Variants in PAPPA2 observed in about 807,000 individuals in gnomAD.
The protein encoded by PAPPA2 is pappalysin 2, also known as pappalysin-2.
PAPPA2 carries 86 observed loss-of-function variants against 176.4 expected under a neutral mutation model. The ratio of observed to expected loss-of-function variants is 0.49; its 90% confidence interval spans 0.41 to 0.58. The LOEUF is 0.58. Ranked by LOEUF, PAPPA2 falls within the 20% of genes least tolerant of loss-of-function variation. The pLI, the probability that PAPPA2 is intolerant of heterozygous loss-of-function variation, is 0.00. For synonymous variants in PAPPA2, 809 were observed against 852.2 expected (o/e 0.95, Z 0.88); for missense variants, 2,073 against 2,256.9 (o/e 0.92, Z 1.65).
intron 14 of PAPPA2, among the ~76,000 whole-genome samples, chr1:176,752,828 C>G (rs1663245020): frequency 6.6e-6 from 1 of 152,194 alleles, no homozygotes; most frequent in Non-Finnish European, 1.5e-5. Flanking sequence ...CTCCTCAGAT[C>G]CCCTCCAATG....
chr1:176,834,585 G>A (rs891946800), intron 21 of PAPPA2, among the ~76,000 whole-genome samples: 6 of 152,182 alleles, frequency 3.9e-5, no homozygotes, highest in Non-Finnish European at 7.3e-5. Context: ...CAGCCTCCAG[G>A]GGAATACACC....
intron 1 of PAPPA2, among the ~76,000 whole-genome samples, chr1:176,537,697 C>T (rs949100739): frequency 2.0e-5 from 3 of 147,178 alleles, no homozygotes; most frequent in African/African-American, 5.0e-5. Context: ...ACAAGATGTC[C>T]GTTTCAAGGC....
chr1:176,758,325 C>T (rs1420456368), intron 14 of PAPPA2, among the ~76,000 whole-genome samples: 1 of 152,124 alleles, frequency 6.6e-6, no homozygotes, highest in Non-Finnish European at 1.5e-5. Flanking sequence ...AGAGATGAAT[C>T]CAGAAGTGAG....
At chr1:176,773,723 A>G (rs545139671) in intron 17 of PAPPA2, among the ~76,000 whole-genome samples, 3 of 152,164 alleles carry the variant, frequency 2.0e-5, no homozygotes, top group Admixed American at 2.0e-4. Context: ...CATGCTATGT[A>G]TTTTCAATAC....
At chr1:176,599,594 CCTT>C (rs200717256) in intron 3 of PAPPA2, among the ~76,000 whole-genome samples, 250 of 149,338 alleles carry the variant, frequency 1.7e-3, no homozygotes, top group African/African-American at 5.8e-3. Context: ...ACTTTAAAAA[CCTT>C]CTTATTCTTT....
At chr1:176,470,009 G>A (rs1651800045) in intron 1 of PAPPA2, among the ~76,000 whole-genome samples, 1 of 152,204 alleles carries the variant, frequency 6.6e-6, no homozygotes, top group African/African-American at 2.4e-5. Context: ...ATGGGGTCGA[G>A]GAAGGGACTT....
intron 21 of PAPPA2, 23 bp from the exon 22 acceptor site, chr1:176,840,150 G>T: frequency 7.6e-6 from 12 of 1,569,452 alleles, no homozygotes; most frequent in Non-Finnish European, 1.1e-5. Context: ...ATACTGAGAT[G>T]TTGCCTTCTA....
At chr1:176,570,054 C>G (rs904175487) in intron 2 of PAPPA2, among the ~76,000 whole-genome samples, 1 of 152,192 alleles carries the variant, frequency 6.6e-6, no homozygotes, top group Non-Finnish European at 1.5e-5. Flanking sequence ...CAGAAATTAT[C>G]TTTTCTATTT....
intron 1 of PAPPA2, among the ~76,000 whole-genome samples, chr1:176,471,531 C>G (rs948397260): frequency 6.6e-6 from 1 of 152,144 alleles, no homozygotes; most frequent in Non-Finnish European, 1.5e-5. Flanking sequence ...ACCAGATAAA[C>G]AAACAGAACT....
At chr1:176,554,960 C>T (rs1651178827) in intron 1 of PAPPA2, among the ~76,000 whole-genome samples, 2 of 149,336 alleles carry the variant, frequency 1.3e-5, no homozygotes, top group African/African-American at 5.0e-5. Context: ...GTAGGTAGAT[C>T]TGTTCACAGT....
chr1:176,763,378 A>G (rs1166217569), intron 14 of PAPPA2, among the ~76,000 whole-genome samples: 1 of 152,230 alleles, frequency 6.6e-6, no homozygotes, highest in Non-Finnish European at 1.5e-5. Context: ...CCTAACAGTA[A>G]GTGCTCAGTA....
At chr1:176,480,577 C>CA (rs1295656471) in intron 1 of PAPPA2, among the ~76,000 whole-genome samples, 1 of 152,098 alleles carries the variant, frequency 6.6e-6, no homozygotes, top group East Asian at 1.9e-4. Flanking sequence ...AGGGGATAGG[C>CA]AGGGGACATC....
chr1:176,573,578 C>A (rs1209594950), intron 2 of PAPPA2, among the ~76,000 whole-genome samples: 1 of 152,186 alleles, frequency 6.6e-6, no homozygotes, highest in Non-Finnish European at 1.5e-5. Flanking sequence ...GGAAGTTTCT[C>A]TTTCTCTCTC....
At chr1:176,466,122 A>G (rs1184047636) in intron 1 of PAPPA2, among the ~76,000 whole-genome samples, 1 of 152,196 alleles carries the variant, frequency 6.6e-6, no homozygotes, top group Non-Finnish European at 1.5e-5. Context: ...ATTACCTTTA[A>G]TAATTCTTCA....
chr1:176,728,798 G>A (rs1484245459), intron 12 of PAPPA2, among the ~76,000 whole-genome samples: 1 of 151,782 alleles, frequency 6.6e-6, no homozygotes, highest in African/African-American at 2.4e-5. Flanking sequence ...AATGGAACAG[G>A]GAAGTTCAGA....
chr1:176,753,821 A>G (rs1663292110), intron 14 of PAPPA2, among the ~76,000 whole-genome samples: 1 of 152,058 alleles, frequency 6.6e-6, no homozygotes, highest in Admixed American at 6.6e-5. Context: ...TAAGCAAGGA[A>G]AGAATTATAG....
chr1:176,779,661 C>T (rs949989285), intron 17 of PAPPA2, among the ~76,000 whole-genome samples: 1 of 152,162 alleles, frequency 6.6e-6, no homozygotes, highest in African/African-American at 2.4e-5. Context: ...CTCACATAAT[C>T]TACTCATTAC....
At position 176,761,445 on chromosome 1, in the gene PAPPA2, T is replaced by C. The variant is rs148449593; in HGVS notation, c.4152-4221T>C. Among the ~76,000 whole-genome samples the C allele has an allele frequency of 6.4e-3, 974 of 152,140 alleles. 13 individuals carry two copies. Among genetic ancestry groups the C allele is most frequent in the Non-Finnish European group, 0.01 (691 of 67,980 alleles). On this transcript the variant is annotated intron_variant, in intron 14 of 22. Transcript: ENST00000367662. ...AACATAGATGGAAAGAGAGAGGGTA[T>C]TGCCAAAAGAGGATGCACACTGGGC...
chr1:176,682,813 TAA>T (rs1659649208), intron 4 of PAPPA2, among the ~76,000 whole-genome samples: 1 of 152,120 alleles, frequency 6.6e-6, no homozygotes, highest in Non-Finnish European at 1.5e-5. Context: ...CACAGTTTTA[TAA>T]CTTTGTCTGC....
Sources: gnomAD v4.1 joint callset for allele counts (sites outside exome capture counted in the v4.1 genomes callset) on GRCh38, gnomAD v4.1.1 for gene constraint, MANE v1.5 for transcripts, NCBI Gene and HGNC (gene_info 2026-07-23, HGNC 2026-07-21) for gene names.